Variants in MAPRE2 observed in about 807,000 individuals in gnomAD.
MAPRE2 encodes the protein microtubule associated protein RP/EB family member 2, also known as microtubule-associated protein RP/EB family member 2.
In MAPRE2, 13 loss-of-function variants were observed where a neutral mutation model predicts 43.2. The ratio of observed to expected loss-of-function variants is 0.30; its 90% CI spans 0.20 to 0.48. MAPRE2 has a LOEUF of 0.48. MAPRE2 is among the 20% of genes least tolerant of loss of function. The probability of loss-of-function intolerance (pLI) is 0.99; values close to 1 mark genes in which losing one functional copy is unlikely to be tolerated. For synonymous variants in MAPRE2, 135 were observed against 148.8 expected, an observed-to-expected ratio of 0.91 and a Z score of 0.68; for missense variants, 161 against 400.2, an observed-to-expected ratio of 0.40 and a Z score of 5.10.
intron 1 of MAPRE2, among the ~76,000 whole-genome samples, chr18:35,000,745 A>G (rs1411854452): frequency 6.6e-6 from 1 of 152,190 alleles, no homozygotes; most frequent in Non-Finnish European, 1.5e-5. Context: ...ATGGCTGCTC[A>G]TTTCTGAGGA....
intron 2 of MAPRE2, among the ~76,000 whole-genome samples, chr18:35,027,436 G>A (rs1453060428): frequency 6.6e-6 from 1 of 152,116 alleles, no homozygotes; most frequent in African/African-American, 2.4e-5. Flanking sequence ...TTGCATAGGT[G>A]TTCCAACCAG....
At chr18:35,025,790 A>G (rs890247287) in intron 2 of MAPRE2, among the ~76,000 whole-genome samples, 2 of 152,338 alleles carry the variant, frequency 1.3e-5, no homozygotes, top group East Asian at 1.9e-4. Context: ...AAGAGCATTT[A>G]TGAAGGATTC....
At chr18:34,982,796 A>T (rs1199255629) in intron 1 of MAPRE2, among the ~76,000 whole-genome samples, 1 of 152,232 alleles carries the variant, frequency 6.6e-6, no homozygotes, top group Non-Finnish European at 1.5e-5. Flanking sequence ...CTGTTTCTAG[A>T]ATCAGCAAAC....
rs149879846 is a variant in MAPRE2, at chr18:35,015,554, C to T, written c.-8+10001C>T. Among the ~76,000 whole-genome samples, 669 of 151,894 alleles carry T rather than the reference C, an allele frequency of 4.4e-3. 1 individual carries two copies. The highest frequency in any genetic ancestry group is 7.9e-3 in the Non-Finnish European group (536 of 67,938). ...TGTGAATGCAAATTTGTTATCTACC[C>T]TAACGAATCACGTTTTATTTTCCTT... On this transcript the variant is annotated intron_variant, in intron 2 of 7. Coordinates refer to the MAPRE2 transcript ENST00000413393.
intron 1 of MAPRE2, among the ~76,000 whole-genome samples, chr18:34,997,042 A>G (rs575202858): frequency 3.3e-5 from 5 of 152,252 alleles, no homozygotes; most frequent in South Asian, 2.1e-4. Flanking sequence ...CGTTATGCTT[A>G]AAAAAGGGGG....
chr18:35,131,354 A>T (rs150308117), intron 5 of MAPRE2, among the ~76,000 whole-genome samples: 142 of 152,314 alleles, frequency 9.3e-4, no homozygotes, highest in Non-Finnish European at 1.7e-3. Flanking sequence ...CAGTCTGTTC[A>T]GGCTGCTAGA....
At chr18:34,984,612 A>T (rs2097018065) in intron 1 of MAPRE2, 1 of 151,212 alleles carries the variant, frequency 6.6e-6, no homozygotes, top group African/African-American at 2.4e-5. Context: ...AGTGCTTCTG[A>T]TGGGGGAAAG....
At chr18:35,003,194 G>T (rs1035418708) in intron 1 of MAPRE2, among the ~76,000 whole-genome samples, 1 of 152,144 alleles carries the variant, frequency 6.6e-6, no homozygotes, top group Non-Finnish European at 1.5e-5. Flanking sequence ...TTCTATCCTT[G>T]CAAGGCTGGG....
At position 35,140,479 on chromosome 18, in the gene MAPRE2, C is replaced by T. The variant is rs1009509560; in HGVS notation, c.*110C>T. 6 of 1,065,142 alleles carry T rather than the reference C, an allele frequency of 5.6e-6. No individual in the cohort carries two copies. The highest frequency in any genetic ancestry group is 3.1e-5 in the African/African-American group (2 of 63,556). 66.0% of individuals were successfully genotyped at this position (1,065,142 alleles called of 1,614,324 possible). A position where few individuals can be genotyped will look rare whatever the true frequency, so the allele number is the denominator to read the frequency against. On this transcript the variant is annotated 3_prime_UTR_variant, in exon 7 of 7. Transcript: ENST00000300249. ...CAGAAACCAGTTGTTCCCAATCTGCCGTTACCATCAACGCACTGTTGCATA... is the reference window on the plus strand; with the variant it reads ...CAGAAACCAGTTGTTCCCAATCTGCTGTTACCATCAACGCACTGTTGCATA...
intron 1 of MAPRE2, among the ~76,000 whole-genome samples, chr18:34,981,861 TTTA>T (rs201979003): frequency 0.049 from 4,406 of 89,796 alleles, 104 homozygotes; most frequent in Non-Finnish European, 0.06. Context: ...AGCGACTTTA[TTTA>T]TTTTTTTTTT....
At chr18:35,115,122 T>C (rs999561674) in intron 4 of MAPRE2, among the ~76,000 whole-genome samples, 1 of 152,194 alleles carries the variant, frequency 6.6e-6, no homozygotes, top group Non-Finnish European at 1.5e-5. Context: ...ATAACTCAAC[T>C]TTGTCTTGCT....
rs1568961383 is a variant in MAPRE2, at chr18:34,985,262, T to TATA, written c.-70+8184_-70+8186dup. 5.9e-4 allele frequency among the ~76,000 whole-genome samples: 30 copies of TATA among 50,668 alleles called. 2 individuals carry two copies. The highest frequency in any genetic ancestry group is 1.6e-3 in the Admixed American group (4 of 2,438). The allele number at this position is 50,668 out of a possible 152,430, so 33.2% of individuals were successfully genotyped here. A position where few individuals can be genotyped will look rare whatever the true frequency, so the allele number is the denominator to read the frequency against. On this transcript the variant is annotated intron_variant, in intron 1 of 7. Coordinates refer to the MAPRE2 transcript ENST00000413393. Reference sequence around the variant, plus strand: ...ATATAATATAAAATATATAATATAATATATTATATAATATAATATATTATA... The same window carrying TATA: ...ATATAATATAAAATATATAATATAATATAATATTATATAATATAATATATTATA...
intron 2 of MAPRE2, among the ~76,000 whole-genome samples, chr18:35,008,985 CAT>C (rs536484480): frequency 4.0e-5 from 6 of 149,734 alleles, no homozygotes; most frequent in African/African-American, 7.3e-5. Context: ...TGTGTGTGTA[CAT>C]ATATATATAT....
intron 4 of MAPRE2, among the ~76,000 whole-genome samples, chr18:35,105,744 G>A (rs565593367): frequency 7.2e-5 from 11 of 151,798 alleles, no homozygotes; most frequent in Non-Finnish European, 7.4e-5. Flanking sequence ...GGTATCAATA[G>A]AAAGTACAAA....
At chr18:35,116,477 A>G (rs975541008) in intron 4 of MAPRE2, among the ~76,000 whole-genome samples, 4 of 152,238 alleles carry the variant, frequency 2.6e-5, no homozygotes, top group Admixed American at 6.5e-5. Flanking sequence ...TCACCAGACT[A>G]TAATCCAGGT....
At chr18:34,993,992 C>CTTTTTTTTTTTTTTTTTTTTTT (rs11301716) in intron 1 of MAPRE2, among the ~76,000 whole-genome samples, 1 of 120,034 alleles carries the variant, frequency 8.3e-6, no homozygotes, top group Non-Finnish European at 1.8e-5. Flanking sequence ...CATGGATTTT[C>CTTTTTTTTTTTTTTTTTTTTTT]TTTTTTTTTT....
chr18:35,007,575 T>G (rs755633972), intron 2 of MAPRE2, among the ~76,000 whole-genome samples: 4 of 152,198 alleles, frequency 2.6e-5, no homozygotes, highest in Non-Finnish European at 5.9e-5. Flanking sequence ...GTAAAGCTAT[T>G]TACAAAAACA....
In MAPRE2 at chr18:35,141,814, G is replaced by A. The variant is rs1297733178; in HGVS notation, c.*1445G>A. 2.0e-5 allele frequency: 3 copies of A among 152,086 alleles called. No individual in the cohort carries two copies. Among genetic ancestry groups the A allele is most frequent in the Admixed American group, 6.6e-5 (1 of 15,264 alleles). The allele number at this position is 152,086 out of a possible 1,614,324, so 9.4% of individuals were successfully genotyped here. A position where few individuals can be genotyped will look rare whatever the true frequency, so the allele number is the denominator to read the frequency against. On this transcript the variant is annotated 3_prime_UTR_variant, in exon 7 of 7. Coordinates refer to ENST00000300249, the MANE Select transcript of MAPRE2 (RefSeq NM_014268.4). The stretch of plus-strand genomic sequence containing the variant: ...AACAAATGTGCCCACCCCACTTTCC[G>A]CTTAACTGAAAAGCTTAAAATAAAT...
At chr18:35,049,633 C>T (rs77441902) in intron 1 of MAPRE2, among the ~76,000 whole-genome samples, 1,873 of 152,142 alleles carry the variant, frequency 0.012, 39 homozygotes, top group African/African-American at 0.042. Flanking sequence ...CACACCTGAC[C>T]CCAGAGTATA....
Sources: allele counts gnomAD v4.1 joint callset (sites outside exome capture counted in the v4.1 genomes callset), GRCh38; gene constraint gnomAD v4.1.1; transcripts MANE v1.5; gene names NCBI Gene and HGNC (gene_info 2026-07-23, HGNC 2026-07-21).